RGS6: variants seen among roughly 807,000 people sequenced by gnomAD.
RGS6 encodes regulator of G protein signaling 6, also known as regulator of G-protein signaling 6.
Under a neutral mutation model 78.5 loss-of-function variants are expected in RGS6, and 30 were observed. The ratio of observed to expected loss-of-function variants is 0.38; its 90% CI spans 0.29 to 0.52. RGS6 has a LOEUF of 0.52. RGS6 is among the 20% of genes least tolerant of loss of function. The pLI, the probability that RGS6 is intolerant of heterozygous loss-of-function variation, is 0.85. For synonymous variants in RGS6, 206 were observed against 206.0 expected, an observed-to-expected ratio of 1.00 and a Z score of 0.00; for missense variants, 495 against 609.7, an observed-to-expected ratio of 0.81 and a Z score of 1.98.
At chr14:72,293,983 A>C (rs2064171296) in intron 2 of RGS6, among the ~76,000 whole-genome samples, 1 of 152,206 alleles carries the variant, frequency 6.6e-6, no homozygotes, top group Non-Finnish European at 1.5e-5. Context: ...TTGCAGGGGT[A>C]CTGCTGATGG....
At chr14:72,304,351 C>T (rs1157853738) in intron 2 of RGS6, among the ~76,000 whole-genome samples, 1 of 152,196 alleles carries the variant, frequency 6.6e-6, no homozygotes, top group African/African-American at 2.4e-5. Context: ...CATATTACCA[C>T]ATAGAGCAAT....
intron 2 of RGS6, among the ~76,000 whole-genome samples, chr14:72,045,138 C>T (rs1477413219): frequency 6.6e-6 from 1 of 152,144 alleles, no homozygotes; most frequent in African/African-American, 2.4e-5. Context: ...CTGATGAATC[C>T]CCTCTTGTCT....
intron 2 of RGS6, among the ~76,000 whole-genome samples, chr14:72,259,459 C>T (rs1051677049): frequency 5.3e-5 from 8 of 151,994 alleles, no homozygotes; most frequent in African/African-American, 1.7e-4. Context: ...GTAGTAGGCT[C>T]AGCAGTACGC....
chr14:72,214,168 T>C (rs2044926023), intron 2 of RGS6, among the ~76,000 whole-genome samples: 1 of 151,024 alleles, frequency 6.6e-6, no homozygotes, highest in African/African-American at 2.5e-5. Flanking sequence ...CTACACTGTT[T>C]ATTTTCTTAT....
the RGS6 span, among the ~76,000 whole-genome samples, chr14:71,887,554 G>C: frequency 6.6e-6 from 1 of 152,134 alleles, no homozygotes; most frequent in Non-Finnish European, 1.5e-5. Flanking sequence ...TGGCTGCTCT[G>C]GGAATGTCTG....
At chr14:72,143,041 G>A (rs1329133753) in intron 2 of RGS6, among the ~76,000 whole-genome samples, 1 of 152,108 alleles carries the variant, frequency 6.6e-6, no homozygotes, top group Non-Finnish European at 1.5e-5. Context: ...CCAAATGGAA[G>A]TACATGAGGA....
the RGS6 span, among the ~76,000 whole-genome samples, chr14:72,583,963 A>G: frequency 1.3e-5 from 2 of 152,242 alleles, no homozygotes; most frequent in South Asian, 4.1e-4. Flanking sequence ...CAATCAAGCC[A>G]GTGGTGCAGG....
the RGS6 span, among the ~76,000 whole-genome samples, chr14:72,588,274 G>T: frequency 6.6e-6 from 1 of 152,080 alleles, no homozygotes; most frequent in Non-Finnish European, 1.5e-5. Flanking sequence ...TTGTAAAAGG[G>T]TCTTTCATTT....
chr14:72,039,391 G>A (rs886658703), intron 2 of RGS6, among the ~76,000 whole-genome samples: 10 of 152,104 alleles, frequency 6.6e-5, no homozygotes, highest in Admixed American at 6.6e-5. Flanking sequence ...AGGGCCTCAC[G>A]TTTATACTTA....
intron 3 of RGS6, among the ~76,000 whole-genome samples, chr14:72,376,506 A>G (rs1245530040): frequency 2.6e-5 from 4 of 152,176 alleles, no homozygotes. Context: ...AACCCCAAAT[A>G]GATATAATCC....
chr14:72,209,406 A>G (rs1286368769), intron 2 of RGS6, among the ~76,000 whole-genome samples: 1 of 149,884 alleles, frequency 6.7e-6, no homozygotes, highest in African/African-American at 2.5e-5. Flanking sequence ...TTTTCTTTCT[A>G]TTTCTTCTAC....
intron 2 of RGS6, among the ~76,000 whole-genome samples, chr14:72,063,568 G>A (rs1001219362): frequency 4.6e-5 from 7 of 152,242 alleles, no homozygotes; most frequent in Admixed American, 1.3e-4. Flanking sequence ...TAGCTATTTA[G>A]GATGTGAAGT....
chr14:72,524,488 A>G (rs1432009719), intron 15 of RGS6, among the ~76,000 whole-genome samples: 2 of 152,238 alleles, frequency 1.3e-5, no homozygotes, highest in Non-Finnish European at 2.9e-5. Context: ...AAGCCTTCAC[A>G]GGCTCTAGAT....
intron 2 of RGS6, among the ~76,000 whole-genome samples, chr14:72,018,536 C>T (rs756479159): frequency 7.2e-5 from 11 of 152,156 alleles, no homozygotes; most frequent in South Asian, 4.1e-4. Flanking sequence ...AAATTTGTAC[C>T]GCCAAAATGT....
chr14:72,360,520 TCAAA>T (rs747104727), intron 3 of RGS6, among the ~76,000 whole-genome samples: 32 of 151,346 alleles, frequency 2.1e-4, no homozygotes, highest in Non-Finnish European at 3.8e-4. Context: ...AGACTCTGTC[TCAAA>T]CAAACAAACA....
the RGS6 span, among the ~76,000 whole-genome samples, chr14:72,605,529 G>C: frequency 1.3e-5 from 2 of 152,190 alleles, no homozygotes; most frequent in Non-Finnish European, 2.9e-5. Flanking sequence ...TGTTGTTCTG[G>C]CCCTGCTAAA....
In RGS6 at chr14:72,458,954, G is replaced by A. The variant is rs1260954785; in HGVS notation, c.342+577G>A. On this transcript the variant is annotated intron_variant, in intron 5 of 17. Transcript: ENST00000553525. ...CAGACCATGGTAGACACTTTGTACA[G>A]ATTTCCTCATTTATTCTGAAGAGCA... Among the ~76,000 whole-genome samples the A allele has an allele frequency of 2.0e-5, 3 of 152,220 alleles. 1 individual carries two copies. The highest frequency in any genetic ancestry group is 7.2e-5 in the African/African-American group (3 of 41,450).
At chr14:72,161,719 G>A (rs2096855888) in intron 2 of RGS6, among the ~76,000 whole-genome samples, 1 of 152,234 alleles carries the variant, frequency 6.6e-6, no homozygotes, top group Admixed American at 6.5e-5. Context: ...AACTACAGGA[G>A]TGTGGAGTAA....
intron 2 of RGS6, among the ~76,000 whole-genome samples, chr14:72,030,713 G>A (rs752259136): frequency 6.6e-6 from 1 of 152,158 alleles, no homozygotes; most frequent in Non-Finnish European, 1.5e-5. Context: ...TAATGTAATT[G>A]GAAACTTCTT....
Sources: gnomAD v4.1 joint callset for allele counts (sites outside exome capture counted in the v4.1 genomes callset) on GRCh38, gnomAD v4.1.1 for gene constraint, MANE v1.5 for transcripts, NCBI Gene and HGNC (gene_info 2026-07-23, HGNC 2026-07-21) for gene names.